The following VGLL4 variants were observed in gnomAD, a reference collection of about 807,000 sequenced individuals.
VGLL4 encodes the protein transcription cofactor vestigial-like protein 4.
Under a neutral mutation model 21.0 loss-of-function variants are expected in VGLL4, and 7 were observed. That is an observed-to-expected ratio of 0.33 (90% CI 0.19 to 0.63). The LOEUF (loss-of-function observed/expected upper bound fraction) is 0.63, where lower values mean the gene tolerates loss of function less well. Ranked by LOEUF, VGLL4 falls within the 20% of genes least tolerant of loss-of-function variation. The pLI is 0.78. For synonymous variants in VGLL4, 222 were observed against 173.2 expected, an observed-to-expected ratio of 1.28 and a Z score of -2.21; for missense variants, 394 against 425.7, an observed-to-expected ratio of 0.93 and a Z score of 0.66.
At chr3:11,702,771 T>C in intron 2 of VGLL4, 2 of 298,014 alleles carry the variant, frequency 6.7e-6, no homozygotes, top group South Asian at 1.3e-4. Context: ...CCAGTATCCA[T>C]AGTTAAGTGC....
intron 1 of VGLL4, among the ~76,000 whole-genome samples, chr3:11,713,630 G>T (rs2076881110): frequency 6.7e-6 from 1 of 148,276 alleles, no homozygotes; most frequent in Non-Finnish European, 1.5e-5. Context: ...TCAGGTACCT[G>T]CCAACCTCAA....
At chr3:11,591,335 A>T (rs2125245070) in intron 2 of VGLL4, among the ~76,000 whole-genome samples, 1 of 152,364 alleles carries the variant, frequency 6.6e-6, no homozygotes, top group South Asian at 2.1e-4. Flanking sequence ...CATGGCACAG[A>T]TCAGAACCAC....
Position 11,685,790 on chromosome 3 carries a change from G to A in VGLL4, c.64+17181C>T, listed in dbSNP as rs114459932. On this transcript the variant is annotated intron_variant, in intron 2 of 5. Transcript: ENST00000273038. ...AATGGGCAAAGCAAGAGGTCAAGGC[G>A]GTGGTGAGCTATGATCACACTGCTG... 6.2e-3 allele frequency among the ~76,000 whole-genome samples: 949 copies of A among 152,146 alleles called. 6 individuals are homozygous for A. The highest frequency in any genetic ancestry group is 0.019 in the African/African-American group (806 of 41,486).
intron 2 of VGLL4, among the ~76,000 whole-genome samples, chr3:11,575,210 G>A (rs1044055879): frequency 2.6e-5 from 4 of 152,168 alleles, no homozygotes; most frequent in Non-Finnish European, 5.9e-5. Flanking sequence ...AAGCAGCTCA[G>A]GTCTGTGGTG....
At chr3:11,716,022 G>A (rs2076914206) in intron 1 of VGLL4, among the ~76,000 whole-genome samples, 1 of 151,964 alleles carries the variant, frequency 6.6e-6, no homozygotes, top group Non-Finnish European at 1.5e-5. Context: ...CACAAAAATG[G>A]GCAGGGTGCA....
chr3:11,658,978 A>G (rs1419840211), intron 2 of VGLL4, among the ~76,000 whole-genome samples: 2 of 152,224 alleles, frequency 1.3e-5, no homozygotes, highest in Non-Finnish European at 2.9e-5. Context: ...TCCAGGCGTC[A>G]GGCACAACTA....
At chr3:11,599,422 T>C (rs1478025510) in intron 2 of VGLL4, among the ~76,000 whole-genome samples, 2 of 150,312 alleles carry the variant, frequency 1.3e-5, no homozygotes, top group East Asian at 4.0e-4. Context: ...CACATAAAAT[T>C]TGGCGATTCT....
chr3:11,705,097 A>C (rs1479620090), intron 1 of VGLL4, among the ~76,000 whole-genome samples: 2 of 152,300 alleles, frequency 1.3e-5, no homozygotes, highest in South Asian at 2.1e-4. Context: ...GAAAGGACTG[A>C]GGGCTTCGAT....
intron 2 of VGLL4, among the ~76,000 whole-genome samples, chr3:11,590,834 C>G (rs2074477603): frequency 6.6e-6 from 1 of 152,096 alleles, no homozygotes; most frequent in African/African-American, 2.4e-5. Context: ...CCATGTGACA[C>G]AAGCAAATAA....
Position 11,558,483 on chromosome 3 carries a change from T to TG in VGLL4, c.*72_*73insC. ...CCCACCCCACCCCCATGATTTTTTTTTTTTTAAGTACTGACTGTTCAAAGC... is the reference window on the plus strand; with the variant it reads ...CCCACCCCACCCCCATGATTTTTTTTGTTTTTAAGTACTGACTGTTCAAAGC... On this transcript the variant is annotated 3_prime_UTR_variant, in exon 5 of 5. Transcript: ENST00000430365. The TG allele has an allele frequency of 6.8e-7, 1 of 1,479,492 alleles. No individual in the cohort carries two copies. Among genetic ancestry groups the TG allele is most frequent in the South Asian group, 1.4e-5 (1 of 73,158 alleles). The allele number at this position is 1,479,492 out of a possible 1,614,324, so 91.6% of individuals were successfully genotyped here.
intron 2 of VGLL4, chr3:11,699,478 A>C (rs1224063935): frequency 6.6e-6 from 1 of 152,170 alleles, no homozygotes; most frequent in Non-Finnish European, 1.5e-5. Flanking sequence ...GAATTATGCC[A>C]GCCCATCTCT....
chr3:11,619,188 T>C lies in VGLL4; in HGVS notation c.83-17166A>G, dbSNP rs532039268. On this transcript the variant is annotated intron_variant, in intron 1 of 4. Transcript: ENST00000430365. The stretch of plus-strand genomic sequence containing the variant: ...TTGCCCTGCACTTCAAAGGTACAGC[T>C]GAGCTCGGGTGAGCTGACAGCAAGC... Among the ~76,000 whole-genome samples, 4 of 152,328 alleles carry C rather than the reference T, an allele frequency of 2.6e-5. No homozygotes were observed. In the South Asian group the frequency reaches 8.3e-4, roughly 32 times the overall value.
At position 11,623,212 on chromosome 3, in the gene VGLL4, TG is replaced by T. The variant is rs549986040; in HGVS notation, c.82+20224del. ...TCACATCAAGGCTCTGTCGACTGGC[TG>T]GAAGGAACAGAAGGAAGAGCCCATG... On this transcript the variant is annotated intron_variant, in intron 1 of 4. Transcript: ENST00000430365. Among the ~76,000 whole-genome samples, 156 of 152,240 alleles carry T rather than the reference TG, an allele frequency of 1.0e-3. 1 individual carries two copies. Among genetic ancestry groups the T allele is most frequent in the Middle Eastern group, 0.01 (3 of 294 alleles).
intron 2 of VGLL4, among the ~76,000 whole-genome samples, chr3:11,573,832 A>G (rs1440784376): frequency 6.6e-6 from 1 of 152,176 alleles, no homozygotes; most frequent in Non-Finnish European, 1.5e-5. Flanking sequence ...TCTGAATGTG[A>G]GCTTATCTGA....
chr3:11,639,780 G>T (rs1382275072), intron 1 of VGLL4, among the ~76,000 whole-genome samples: 1 of 152,154 alleles, frequency 6.6e-6, no homozygotes, highest in African/African-American at 2.4e-5. Flanking sequence ...TGAGGCTGAG[G>T]CAGGAAAATC....
chr3:11,632,320 A>T (rs1045643031), intron 1 of VGLL4, among the ~76,000 whole-genome samples: 11 of 3,026 alleles, frequency 3.6e-3, no homozygotes, highest in Non-Finnish European at 4.8e-3. Flanking sequence ...CTCAAAAATA[A>T]AAAAAAAATA....
chr3:11,593,954 C>T (rs1384578012), intron 2 of VGLL4, among the ~76,000 whole-genome samples: 1 of 152,194 alleles, frequency 6.6e-6, no homozygotes, highest in African/African-American at 2.4e-5. Context: ...CAGTGTGAGC[C>T]TAGGGGCTCT....
At chr3:11,707,946 A>C (rs1428129621) in intron 1 of VGLL4, among the ~76,000 whole-genome samples, 1 of 152,182 alleles carries the variant, frequency 6.6e-6, no homozygotes, top group African/African-American at 2.4e-5. Context: ...ACATATTGAT[A>C]ATGTGGGAGG....
intron 2 of VGLL4, among the ~76,000 whole-genome samples, chr3:11,662,108 T>C (rs1309537342): frequency 6.6e-6 from 1 of 152,172 alleles, no homozygotes; most frequent in Non-Finnish European, 1.5e-5. Flanking sequence ...ACATTCTCCC[T>C]GGCTAACATT....
Sources: allele counts gnomAD v4.1 joint callset (sites outside exome capture counted in the v4.1 genomes callset), GRCh38; gene constraint gnomAD v4.1.1; transcripts MANE v1.5; gene names NCBI Gene and HGNC (gene_info 2026-07-23, HGNC 2026-07-21).